The following TENM2 variants were observed in gnomAD, a reference collection of about 807,000 sequenced individuals.
TENM2 encodes the protein teneurin-2.
In TENM2, 52 loss-of-function variants were observed where a neutral mutation model predicts 245.2. The observed-to-expected ratio is 0.21, with a 90% CI of 0.17 to 0.27. TENM2 has a LOEUF of 0.27. Ranked by LOEUF, TENM2 falls within the 10% of genes least tolerant of loss-of-function variation. The pLI, the probability that TENM2 is intolerant of heterozygous loss-of-function variation, is 1.00. For missense variants in TENM2, 3,046 were observed against 3,666.8 expected, an observed-to-expected ratio of 0.83 and a Z score of 4.37; for synonymous variants, 1,363 against 1,438.9, an observed-to-expected ratio of 0.95 and a Z score of 1.19.
At chr5:167,585,766 T>G (rs1775446947) in intron 2 of TENM2, among the ~76,000 whole-genome samples, 1 of 152,172 alleles carries the variant, frequency 6.6e-6, no homozygotes, top group African/African-American at 2.4e-5. Context: ...GTCAGCCCTT[T>G]GTATCTTTGA....
chr5:167,336,812 C>T (rs1757789551), intron 1 of TENM2, among the ~76,000 whole-genome samples: 1 of 140,574 alleles, frequency 7.1e-6, no homozygotes, highest in Non-Finnish European at 1.5e-5. Flanking sequence ...AAATATAATG[C>T]AAATATTTAA....
Position 167,360,398 on chromosome 5 carries a change from T to C in TENM2, c.227-14800T>C, listed in dbSNP as rs1759636550. 3.9e-5 allele frequency among the ~76,000 whole-genome samples: 6 copies of C among 152,278 alleles called. No individual in the cohort carries two copies. In the South Asian group the frequency reaches 1.2e-3, roughly 32 times the overall value. The stretch of plus-strand genomic sequence containing the variant: ...ATTTAGTAAGCACCAATAATATTGG[T>C]CAAATGAGTTAATGGATGTACTAGT... On this transcript the variant is annotated intron_variant, in intron 1 of 28. Coordinates refer to ENST00000518659, the Ensembl canonical transcript of TENM2.
intron 2 of TENM2, among the ~76,000 whole-genome samples, chr5:167,406,450 G>A (rs1581956243): frequency 1.3e-5 from 2 of 152,058 alleles, no homozygotes; most frequent in East Asian, 1.9e-4. Context: ...TGAGTATTTC[G>A]GGGCCTGGTC....
intron 9 of TENM2, among the ~76,000 whole-genome samples, chr5:168,109,322 G>A (rs1794491558): frequency 6.6e-6 from 1 of 152,212 alleles, no homozygotes. Flanking sequence ...AGCGTAAGAA[G>A]AATCGCCACC....
intron 2 of TENM2, among the ~76,000 whole-genome samples, chr5:167,719,295 C>T (rs1342033668): frequency 1.3e-5 from 2 of 152,192 alleles, no homozygotes; most frequent in Non-Finnish European, 2.9e-5. Context: ...GGGACCAAGT[C>T]CTGTTCTTCT....
intron 2 of TENM2, among the ~76,000 whole-genome samples, chr5:167,669,575 T>C (rs537651943): frequency 1.3e-5 from 2 of 152,194 alleles, no homozygotes; most frequent in East Asian, 1.9e-4. Flanking sequence ...TTGTGCTTTT[T>C]TTTTTCTGAT....
At chr5:168,170,369 T>C (rs1758695854) in intron 13 of TENM2, among the ~76,000 whole-genome samples, 2 of 152,116 alleles carry the variant, frequency 1.3e-5, no homozygotes, top group Admixed American at 1.3e-4. Flanking sequence ...CCGGGCATAG[T>C]GGCTCACACC....
the TENM2 span, among the ~76,000 whole-genome samples, chr5:167,254,326 A>G: frequency 6.6e-6 from 1 of 152,160 alleles, no homozygotes; most frequent in East Asian, 1.9e-4. Flanking sequence ...AAAGAAAGGC[A>G]TTTGTGTCAG....
At chr5:168,238,444 C>G (rs1765806471) in intron 25 of TENM2, among the ~76,000 whole-genome samples, 1 of 152,050 alleles carries the variant, frequency 6.6e-6, no homozygotes. Flanking sequence ...CTCGTGACCC[C>G]CCTCACTAAT....
chr5:167,084,355 A>ATATATG, the TENM2 span, among the ~76,000 whole-genome samples: 5 of 109,348 alleles, frequency 4.6e-5, no homozygotes, highest in African/African-American at 1.7e-4. Context: ...ATATATATAT[A>ATATATG]TATATATATA....
intron 4 of TENM2, among the ~76,000 whole-genome samples, chr5:167,989,638 G>T (rs1783520514): frequency 6.6e-6 from 1 of 152,158 alleles, no homozygotes; most frequent in Admixed American, 6.5e-5. Flanking sequence ...GCAAGCCAGA[G>T]CACACTGGCA....
the TENM2 span, among the ~76,000 whole-genome samples, chr5:167,236,367 T>C: frequency 2.0e-5 from 3 of 152,032 alleles, no homozygotes; most frequent in Admixed American, 2.0e-4. Context: ...CTATCATTTC[T>C]AGTATAAAAA....
chr5:167,450,319 A>G lies in TENM2; in HGVS notation c.502+74846A>G, dbSNP rs190893252. 3.3e-5 allele frequency among the ~76,000 whole-genome samples: 5 copies of G among 152,308 alleles called. No individual in the cohort carries two copies. The East Asian group carries it at 7.7e-4, about 24-fold the overall frequency. ...GAGTAGACAGTTCAAAGTCTCTTCC[A>G]CAATGTCAGTATCCCTTAACACATG... On this transcript the variant is annotated intron_variant, in intron 2 of 28. Transcript: ENST00000518659.
intron 2 of TENM2, among the ~76,000 whole-genome samples, chr5:167,392,066 G>A (rs190855492): frequency 2.6e-5 from 4 of 152,118 alleles, no homozygotes; most frequent in Non-Finnish European, 4.4e-5. Flanking sequence ...GATGGCTTCC[G>A]GTGTTGGTGT....
chr5:167,426,944 A>G (rs1274496822), intron 2 of TENM2, among the ~76,000 whole-genome samples: 1 of 152,224 alleles, frequency 6.6e-6, no homozygotes, highest in East Asian at 1.9e-4. Context: ...TCATAGAATA[A>G]AAACTACAAG....
intron 2 of TENM2, among the ~76,000 whole-genome samples, chr5:167,411,098 G>T (rs1352118346): frequency 1.3e-5 from 2 of 152,112 alleles, no homozygotes; most frequent in African/African-American, 2.4e-5. Context: ...TTTGTTATTA[G>T]ATGGAGATGC....
At chr5:167,527,785 G>T (rs1771220087) in intron 2 of TENM2, among the ~76,000 whole-genome samples, 2 of 152,072 alleles carry the variant, frequency 1.3e-5, no homozygotes, top group Non-Finnish European at 2.9e-5. Context: ...ATGCTTATTG[G>T]ATGAAGGTTT....
intron 24 of TENM2, 109 bp downstream of exon 26, chr5:168,226,372 C>T (rs1581688286): frequency 5.4e-6 from 5 of 918,178 alleles, no homozygotes; most frequent in South Asian, 1.8e-5. Context: ...AGAGACCCAG[C>T]GTACCCCTAG....
At chr5:167,247,833 T>C in the TENM2 span, among the ~76,000 whole-genome samples, 1 of 152,284 alleles carries the variant, frequency 6.6e-6, no homozygotes, top group Admixed American at 6.5e-5. Flanking sequence ...GGATTTTTTT[T>C]CTGAAGGAAC....
Sources: gnomAD v4.1 joint callset for allele counts (sites outside exome capture counted in the v4.1 genomes callset) on GRCh38, gnomAD v4.1.1 for gene constraint, MANE v1.5 for transcripts, NCBI Gene and HGNC (gene_info 2026-07-23, HGNC 2026-07-21) for gene names.